Variants in KAZN observed in about 807,000 individuals in gnomAD.
The protein encoded by KAZN is kazrin.
Under a neutral mutation model 87.4 loss-of-function variants are expected in KAZN, and 40 were observed. The ratio of observed to expected loss-of-function variants is 0.46; its 90% CI spans 0.36 to 0.60. KAZN has a LOEUF of 0.60. Among genes scored for constraint, KAZN ranks in the 20% least tolerant of loss-of-function variants. The pLI is 0.00. For synonymous variants in KAZN, 466 were observed against 458.3 expected, an observed-to-expected ratio of 1.02 and a Z score of -0.22; for missense variants, 898 against 1,073.9, an observed-to-expected ratio of 0.84 and a Z score of 2.29.
chr1:14,982,069 G>A (rs1015023513), intron 2 of KAZN, among the ~76,000 whole-genome samples: 6 of 152,172 alleles, frequency 3.9e-5, no homozygotes, highest in African/African-American at 9.7e-5. Flanking sequence ...GTCTGCATAC[G>A]TGGTCCCATT....
At chr1:14,514,795 C>T (rs909290303) in intron 2 of KAZN, among the ~76,000 whole-genome samples, 62 of 151,226 alleles carry the variant, frequency 4.1e-4, no homozygotes, top group African/African-American at 1.4e-3. Flanking sequence ...CTTCCTGAAC[C>T]TCATTCATAA....
intron 2 of KAZN, among the ~76,000 whole-genome samples, chr1:14,333,670 G>A (rs550011567): frequency 1.3e-5 from 2 of 152,200 alleles, no homozygotes; most frequent in Non-Finnish European, 2.9e-5. Context: ...GGTAATGAGT[G>A]CTTGGACAAG....
chr1:13,893,609 A>C lies in KAZN; in HGVS notation c.-57A>C, dbSNP rs1034534633. 9 of 1,534,382 alleles carry C rather than the reference A, an allele frequency of 5.9e-6. No individual in the cohort carries two copies. In the Admixed American group the frequency reaches 8.2e-5, roughly 14 times the overall value. On this transcript the variant is annotated 5_prime_UTR_variant, in exon 1 of 17. Coordinates refer to the KAZN transcript ENST00000636203. ...GCCAGCGACGGCATCCTTTGCTCTG[A>C]CACTCCAAGGGTCTGGACGCTGCCA...
At chr1:14,411,130 C>G (rs778847043) in intron 2 of KAZN, among the ~76,000 whole-genome samples, 8 of 152,158 alleles carry the variant, frequency 5.3e-5, no homozygotes, top group African/African-American at 9.7e-5. Flanking sequence ...GAAGAATGAC[C>G]TTGAAAGCAA....
intron 2 of KAZN, among the ~76,000 whole-genome samples, chr1:14,204,171 C>T (rs1240646735): frequency 1.3e-5 from 2 of 152,230 alleles, no homozygotes; most frequent in East Asian, 1.9e-4. Flanking sequence ...GGAATATTTG[C>T]ATGCTTCCTG....
At chr1:14,366,961 G>C (rs558688322) in intron 2 of KAZN, among the ~76,000 whole-genome samples, 1 of 152,380 alleles carries the variant, frequency 6.6e-6, no homozygotes, top group African/African-American at 2.4e-5. Context: ...GCCGGGCACA[G>C]TGGCTCATGC....
chr1:14,424,266 AT>A (rs1166937158), intron 2 of KAZN, among the ~76,000 whole-genome samples: 1 of 152,210 alleles, frequency 6.6e-6, no homozygotes, highest in African/African-American at 2.4e-5. Flanking sequence ...TAGTCTCATG[AT>A]CATTACACTT....
chr1:14,686,314 C>T (rs539156803), intron 1 of KAZN, among the ~76,000 whole-genome samples: 3 of 152,220 alleles, frequency 2.0e-5, no homozygotes, highest in East Asian at 1.9e-4. Flanking sequence ...CCACCTGCCT[C>T]GACCTCCCAA....
intron 1 of KAZN, among the ~76,000 whole-genome samples, chr1:14,698,401 A>G (rs1445218825): frequency 6.6e-6 from 1 of 152,182 alleles, no homozygotes; most frequent in African/African-American, 2.4e-5. Context: ...CCACCGTCCC[A>G]TCTGGCCCTC....
chr1:14,113,873 C>T (rs375286476), intron 1 of KAZN, among the ~76,000 whole-genome samples: 24 of 152,284 alleles, frequency 1.6e-4, no homozygotes, highest in Non-Finnish European at 2.8e-4. Context: ...AGAGCAAAGA[C>T]GCCAGTGGGG....
At chr1:14,450,027 G>T (rs1667182047) in intron 2 of KAZN, among the ~76,000 whole-genome samples, 1 of 151,996 alleles carries the variant, frequency 6.6e-6, no homozygotes, top group African/African-American at 2.4e-5. Context: ...CTCCAACTTG[G>T]TGCTCCAATT....
In KAZN at chr1:14,923,649, C is replaced by G. The variant is rs1658801756; in HGVS notation, c.227-37035C>G. On this transcript the variant is annotated intron_variant, in intron 1 of 14. Transcript: ENST00000376030. The surrounding 1 kb of genome is among the most constrained non-coding windows in gnomAD (Gnocchi z 4.2). ...TCAGCCCCCTCGCGATCTCCCCCAC[C>G]AGACGGTGGGTGCACTCAGCATTCC... Among the ~76,000 whole-genome samples, 1 of 152,226 alleles carries G rather than the reference C, an allele frequency of 6.6e-6. No individual in the cohort carries two copies. Among genetic ancestry groups the G allele is most frequent in the South Asian group, 2.1e-4 (1 of 4,834 alleles).
chr1:14,234,926 A>G (rs1300883527), intron 2 of KAZN, among the ~76,000 whole-genome samples: 1 of 152,244 alleles, frequency 6.6e-6, no homozygotes, highest in Non-Finnish European at 1.5e-5. Flanking sequence ...AAAAAGCTTC[A>G]CTGCTGGTGG....
At chr1:14,452,120 A>T (rs1462759435) in intron 2 of KAZN, among the ~76,000 whole-genome samples, 1 of 151,924 alleles carries the variant, frequency 6.6e-6, no homozygotes, top group Non-Finnish European at 1.5e-5. Context: ...TTGTATTTTT[A>T]GAAGAGATGG....
chr1:14,137,663 A>C (rs569205143), intron 1 of KAZN, among the ~76,000 whole-genome samples: 1 of 150,138 alleles, frequency 6.7e-6, no homozygotes, highest in East Asian at 2.0e-4. Flanking sequence ...TGCTGACAAC[A>C]GTATCTGGTG....
intron 1 of KAZN, among the ~76,000 whole-genome samples, chr1:14,891,754 T>C (rs1182742382): frequency 2.0e-5 from 3 of 152,216 alleles, no homozygotes; most frequent in Non-Finnish European, 4.4e-5. Flanking sequence ...GGTAGTGGGA[T>C]TTTACAGGTG....
chr1:14,486,738 G>C (rs896157942), intron 2 of KAZN, among the ~76,000 whole-genome samples: 3 of 152,292 alleles, frequency 2.0e-5, no homozygotes, highest in Admixed American at 2.0e-4. Context: ...CTTCAGGCTT[G>C]GGAGGAGAAT....
chr1:14,553,763 G>A lies in KAZN; in HGVS notation c.250-45220G>A, dbSNP rs1033146037. ...ATCCAAACACTACCTCCCAACCACC[G>A]GGTGGTTGTCAGGCGCCAGGGCAGC... On this transcript the variant is annotated intron_variant, in intron 2 of 16. Coordinates refer to the KAZN transcript ENST00000636203. Among the ~76,000 whole-genome samples the A allele has an allele frequency of 5.3e-5, 8 of 152,218 alleles. No individual in the cohort carries two copies. The East Asian group carries it at 9.7e-4, about 18-fold the overall frequency.
rs1379104563 is a variant in KAZN, at chr1:14,560,307, G to T, written c.250-38676G>T. Among the ~76,000 whole-genome samples, 9 of 152,262 alleles carry T rather than the reference G, an allele frequency of 5.9e-5. No homozygotes were observed. In the South Asian group the frequency reaches 1.7e-3, roughly 28 times the overall value. Reference sequence around the variant, plus strand: ...CCAGACCCAGAGCCAGATGGCCTGGGTTCAAATTCTGACCCCTTCAATGAT... The same window carrying T: ...CCAGACCCAGAGCCAGATGGCCTGGTTTCAAATTCTGACCCCTTCAATGAT... On this transcript the variant is annotated intron_variant, in intron 2 of 16. Coordinates refer to the KAZN transcript ENST00000636203.
Sources: allele counts gnomAD v4.1 joint callset (sites outside exome capture counted in the v4.1 genomes callset), GRCh38; gene constraint gnomAD v4.1.1; non-coding constraint Gnocchi (gnomAD v3.1); transcripts MANE v1.5; gene names NCBI Gene and HGNC (gene_info 2026-07-23, HGNC 2026-07-21).